Variants in ELF2 observed in about 807,000 individuals in gnomAD.
The protein encoded by ELF2 is E74 like ETS transcription factor 2.
Under a neutral mutation model 54.8 loss-of-function variants are expected in ELF2, and 11 were observed. The ratio of observed to expected loss-of-function variants is 0.20; its 90% CI spans 0.13 to 0.33. ELF2 has a LOEUF of 0.33. Among genes scored for constraint, ELF2 ranks in the 10% least tolerant of loss-of-function variants. ELF2 has a pLI of 1.00. For synonymous variants in ELF2, 203 were observed against 245.1 expected (o/e 0.83, Z 1.61); for missense variants, 513 against 703.0 (o/e 0.73, Z 3.06).
At chr4:139,149,811 T>C (rs528240532) in intron 1 of ELF2, among the ~76,000 whole-genome samples, 2 of 152,208 alleles carry the variant, frequency 1.3e-5, no homozygotes, top group South Asian at 2.1e-4. Context: ...AGGATGTCAA[T>C]TCTCACCAAA....
chr4:139,069,850 T>TC (rs1353977144), intron 6 of ELF2, among the ~76,000 whole-genome samples: 15 of 150,328 alleles, frequency 1.0e-4, no homozygotes, highest in East Asian at 9.7e-4. Flanking sequence ...TTACATGTAT[T>TC]TTTTTTTTTT....
At chr4:139,098,873 G>A (rs1357206989) in intron 4 of ELF2, among the ~76,000 whole-genome samples, 1 of 152,036 alleles carries the variant, frequency 6.6e-6, no homozygotes, top group Admixed American at 6.6e-5. Flanking sequence ...TTCTTGTCTT[G>A]TGATCACAAT....
chr4:139,149,119 G>A (rs763767759), intron 1 of ELF2, among the ~76,000 whole-genome samples: 14 of 151,926 alleles, frequency 9.2e-5, no homozygotes, highest in Admixed American at 2.6e-4. Context: ...TAACCAATTC[G>A]GTAAGAAAAG....
chr4:139,130,932 A>G (rs1217311560), intron 3 of ELF2, among the ~76,000 whole-genome samples: 2 of 152,180 alleles, frequency 1.3e-5, no homozygotes, highest in African/African-American at 2.4e-5. Flanking sequence ...AGCTATTCAG[A>G]TAATTATTGC....
chr4:139,115,508 C>G, intron 4 of ELF2: 2 of 547,768 alleles, frequency 3.7e-6, no homozygotes, highest in Non-Finnish European at 4.6e-6. Context: ...CTGCAGCATG[C>G]GGAGCCCCCG....
In ELF2 at chr4:139,060,509, T is replaced by C; in HGVS notation, c.972A>G (p.Ser324=). The C allele has an allele frequency of 1.2e-6, 2 of 1,614,248 alleles. No individual in the cohort carries two copies. Among genetic ancestry groups the C allele is most frequent in the Non-Finnish European group, 1.7e-6 (2 of 1,180,046 alleles). ...TTDEKSLERV[S]LSAESLLKAA... ...CTTTCAGGAGACTTTCTGCAGACAGTGACACTCGTTCTAATGATTTTTCAT... is the reference window on the plus strand; with the variant it reads ...CTTTCAGGAGACTTTCTGCAGACAGCGACACTCGTTCTAATGATTTTTCAT... The change falls in exon 9 of 10, where the codon TCA becomes TCG. Residue 324 remains serine (S), a synonymous_variant. Coordinates refer to ENST00000686138, the MANE Select transcript of ELF2 (RefSeq NM_001331036.3).
chr4:139,071,976 T>G lies in ELF2; in HGVS notation c.416A>C (p.Asp139Ala). ...CTCCACTACAGTTTCTGTAATGACA[T>G]CTGGCCTCATAGCAGCATGGATGAA... is the stretch of plus-strand genomic sequence containing the variant. ...PEFIHAAMRP[D>A]VITETVVEVS... Residue 139 changes from aspartate (D) to alanine (A), a missense_variant, in exon 6 of 10, where the codon GAT (aspartate) becomes GCT (alanine). Physicochemically the swap from Asp to Ala is moderately radical, Grantham distance 126 (BLOSUM62 -2). Coordinates refer to ENST00000686138, the MANE Select transcript of ELF2 (RefSeq NM_001331036.3). 6.2e-7 allele frequency: 1 copy of G among 1,614,040 alleles called. No individual in the cohort carries two copies. The highest frequency in any genetic ancestry group is 8.5e-7 in the Non-Finnish European group (1 of 1,179,984).
Position 139,071,854 on chromosome 4 carries a change from A to G in ELF2, c.526+12T>C, listed in dbSNP as rs371820823. ...TCACCTGCCTTCTCAGAAATGTATA[A>G]ATATACTCTACCTTTTTTCTTTTTC... On this transcript the variant is annotated intron_variant, in intron 6 of 9. Coordinates refer to ENST00000686138, the MANE Select transcript of ELF2 (RefSeq NM_001331036.3). The G allele has an allele frequency of 7.4e-5, 116 of 1,577,346 alleles. No individual in the cohort carries two copies. In the African/African-American group the frequency reaches 1.5e-3, roughly 20 times the overall value.
intron 4 of ELF2, chr4:139,084,388 G>A: frequency 6.9e-7 from 1 of 1,449,346 alleles, no homozygotes; most frequent in Non-Finnish European, 9.1e-7. Flanking sequence ...CCCGCCGCCG[G>A]GCTGAGAAAC....
chr4:139,064,990 TAAAAC>T (rs1728475165), intron 7 of ELF2, among the ~76,000 whole-genome samples: 1 of 152,220 alleles, frequency 6.6e-6, no homozygotes, highest in South Asian at 2.1e-4. Context: ...TAAAAACTAT[TAAAAC>T]AAACCATGTA....
At chr4:139,170,564 C>T (rs1467971630) in intron 1 of ELF2, among the ~76,000 whole-genome samples, 1 of 150,040 alleles carries the variant, frequency 6.7e-6, no homozygotes, top group African/African-American at 2.5e-5. Context: ...GCCCAGCCAC[C>T]AATTTTTTAA....
intron 3 of ELF2, among the ~76,000 whole-genome samples, chr4:139,130,581 G>A (rs922621860): frequency 6.6e-6 from 1 of 152,018 alleles, no homozygotes; most frequent in Non-Finnish European, 1.5e-5. Context: ...TCTATCCTAC[G>A]TATTTATAGA....
chr4:139,067,324 C>G (rs1410074496), intron 7 of ELF2: 1 of 176,404 alleles, frequency 5.7e-6, no homozygotes, highest in African/African-American at 2.4e-5. Flanking sequence ...TTATTAGAAA[C>G]AAGGTTTAGT....
chr4:139,078,782 T>A (rs1161087670), intron 4 of ELF2, among the ~76,000 whole-genome samples: 1 of 152,174 alleles, frequency 6.6e-6, no homozygotes, highest in Non-Finnish European at 1.5e-5. Context: ...ACCTTTTTTA[T>A]CTGAGGACAC....
chr4:139,176,455 G>C (rs1413515326), intron 1 of ELF2, among the ~76,000 whole-genome samples: 2 of 151,302 alleles, frequency 1.3e-5, no homozygotes, highest in African/African-American at 4.9e-5. Flanking sequence ...CCCGCCCCGA[G>C]CTCGCCGCCC....
intron 4 of ELF2, chr4:139,115,517 C>CGGG (rs1437465283): frequency 2.1e-6 from 1 of 466,342 alleles, no homozygotes; most frequent in Non-Finnish European, 2.8e-6. Context: ...GCGGAGCCCC[C>CGGG]GGGCCTGGCC....
rs753808601 is a variant in ELF2, at chr4:139,060,491, G to C, written c.990C>G (p.Leu330=). The C allele has an allele frequency of 1.5e-5, 24 of 1,614,084 alleles. No homozygotes were observed. In the Admixed American group the frequency reaches 3.7e-4, roughly 25 times the overall value. Residue 330 remains leucine, a synonymous_variant, in exon 9 of 10, where the codon CTC becomes CTG. Transcript: ENST00000686138. ...TGCGAACAGAGGATGCTGCTTTCAG[G>C]AGACTTTCTGCAGACAGTGACACTC... ...LERVSLSAES[L]LKAASSVRSG...
intron 1 of ELF2, among the ~76,000 whole-genome samples, chr4:139,175,376 T>C (rs1340436129): frequency 6.6e-6 from 1 of 152,214 alleles, no homozygotes; most frequent in Non-Finnish European, 1.5e-5. Context: ...GACATAAATA[T>C]TCAAACTTCA....
At chr4:139,107,062 A>T (rs1281149193) in intron 4 of ELF2, among the ~76,000 whole-genome samples, 1 of 152,056 alleles carries the variant, frequency 6.6e-6, no homozygotes, top group Non-Finnish European at 1.5e-5. Flanking sequence ...ACTATATTTC[A>T]ATATATATGG....
Sources: allele counts gnomAD v4.1 joint callset (sites outside exome capture counted in the v4.1 genomes callset), GRCh38; gene constraint gnomAD v4.1.1; transcripts MANE v1.5; gene names NCBI Gene and HGNC (gene_info 2026-07-23, HGNC 2026-07-21).